Variants in CTDP1 observed in about 807,000 individuals in gnomAD.
CTDP1 encodes CTD phosphatase 1, also known as RNA polymerase II subunit A C-terminal domain phosphatase.
Under a neutral mutation model 91.8 loss-of-function variants are expected in CTDP1, and 47 were observed. The observed-to-expected ratio is 0.51, with a 90% CI of 0.41 to 0.65. CTDP1 has a LOEUF of 0.65. Ranked by LOEUF, CTDP1 falls within the 30% of genes least tolerant of loss-of-function variation. CTDP1 has a pLI of 0.00. For synonymous variants in CTDP1, 656 were observed against 598.5 expected (o/e 1.10, Z -1.40); for missense variants, 1,272 against 1,373.7 (o/e 0.93, Z 1.17).
Position 79,753,545 on chromosome 18 carries a change from C to T in CTDP1, c.2748-107C>T, listed in dbSNP as rs750701314. The T allele has an allele frequency of 9.4e-5, 145 of 1,548,002 alleles. No homozygotes were observed. The African/African-American group carries it at 1.7e-3, about 18-fold the overall frequency. ...TGTGTCCTTGACCAGAGAATTGTGCCGTCTTGTGTTAAAACCACGGAAGCC... is the reference window on the plus strand; with the variant it reads ...TGTGTCCTTGACCAGAGAATTGTGCTGTCTTGTGTTAAAACCACGGAAGCC... On this transcript the variant is annotated intron_variant, in intron 12 of 12. Coordinates refer to ENST00000613122, the MANE Select transcript of CTDP1 (RefSeq NM_004715.5).
chr18:79,694,305 C>T (rs1259559617), intron 1 of CTDP1, among the ~76,000 whole-genome samples: 162 of 106,214 alleles, frequency 1.5e-3, no homozygotes, highest in South Asian at 3.1e-3. Context: ...GGTCTCATGT[C>T]CACGGGGTGG....
chr18:79,709,402 C>T (rs911962856), intron 5 of CTDP1, among the ~76,000 whole-genome samples: 12 of 152,184 alleles, frequency 7.9e-5, no homozygotes, highest in Non-Finnish European at 1.5e-4. Flanking sequence ...AAACCCAGAG[C>T]AGAGGTGATC....
chr18:79,700,183 C>G (rs923410637), intron 4 of CTDP1, among the ~76,000 whole-genome samples: 5 of 152,162 alleles, frequency 3.3e-5, no homozygotes, highest in Non-Finnish European at 7.3e-5. Context: ...AGTAACCCTA[C>G]AGTGACCTCT....
chr18:79,691,323 A>C (rs2085616392), intron 1 of CTDP1, among the ~76,000 whole-genome samples: 1 of 151,992 alleles, frequency 6.6e-6, no homozygotes, highest in African/African-American at 2.4e-5. Flanking sequence ...GCCAGCTTAC[A>C]CTCGCTCTTA....
intron 12 of CTDP1, among the ~76,000 whole-genome samples, chr18:79,745,117 C>T (rs928723991): frequency 3.9e-5 from 6 of 152,242 alleles, no homozygotes; most frequent in Non-Finnish European, 5.9e-5. Flanking sequence ...GGTGTCCCCA[C>T]GACATGTAAG....
chr18:79,702,499 G>C (rs376250655), intron 4 of CTDP1, among the ~76,000 whole-genome samples: 1 of 151,902 alleles, frequency 6.6e-6, no homozygotes, highest in African/African-American at 2.4e-5. Context: ...TCAGCCTCCC[G>C]AGTAGCTGGG....
rs938156186 is a variant in CTDP1, at chr18:79,753,649, C to T, written c.2748-3C>T. The T allele has an allele frequency of 6.2e-7, 1 of 1,614,156 alleles. No homozygotes were observed. The highest frequency in any genetic ancestry group is 8.5e-7 in the Non-Finnish European group (1 of 1,179,992). ...ATCTCACACCATGTTTGCTTCTCTG[C>T]AGAGGCCACAAGAGGAAGCTGAATG... is the stretch of plus-strand genomic sequence containing the variant. On this transcript the variant is annotated splice_region_variant and splice_polypyrimidine_tract_variant and intron_variant, in intron 12 of 12. Transcript: ENST00000613122.
intron 2 of CTDP1, among the ~76,000 whole-genome samples, chr18:79,695,601 A>G (rs1455283286): frequency 6.6e-6 from 1 of 152,208 alleles, no homozygotes; most frequent in African/African-American, 2.4e-5. Context: ...TGCCTGGAGC[A>G]GCCCCTCCCT....
At chr18:79,724,526 T>A (rs1218023672) in intron 10 of CTDP1, among the ~76,000 whole-genome samples, 1 of 152,204 alleles carries the variant, frequency 6.6e-6, no homozygotes, top group African/African-American at 2.4e-5. Context: ...GGCTGTAACC[T>A]GCATTTCCGT....
At chr18:79,681,582 A>G in intron 1 of CTDP1, 1 of 746,654 alleles carries the variant, frequency 1.3e-6, no homozygotes, top group Non-Finnish European at 1.6e-6. Context: ...CTAGTGAATA[A>G]AACCAACCCA....
At chr18:79,694,632 G>C (rs560346902) in intron 1 of CTDP1, among the ~76,000 whole-genome samples, 4 of 151,756 alleles carry the variant, frequency 2.6e-5, no homozygotes, top group Admixed American at 2.6e-4. Flanking sequence ...GGGTGGGAGT[G>C]TGGGGGCTGA....
chr18:79,680,475 C>G (rs539111199), intron 1 of CTDP1, among the ~76,000 whole-genome samples: 1 of 152,234 alleles, frequency 6.6e-6, no homozygotes, highest in Admixed American at 6.5e-5. Flanking sequence ...GGAAAGGGTC[C>G]TGCGTAGCGA....
In CTDP1 at chr18:79,679,812, C is replaced by G. The variant is rs922196200; in HGVS notation, c.-136C>G. On this transcript the variant is annotated 5_prime_UTR_variant, in exon 1 of 13. Coordinates refer to ENST00000613122, the MANE Select transcript of CTDP1 (RefSeq NM_004715.5). The stretch of plus-strand genomic sequence containing the variant: ...TCACGCGCCCTCCAGGAAGTCGGCG[C>G]GGGCTAGGCGACGGGTGGAAGCCGG... The G allele has an allele frequency of 7.1e-6, 6 of 845,378 alleles. No individual in the cohort carries two copies. Among genetic ancestry groups the G allele is most frequent in the Non-Finnish European group, 1.0e-5 (6 of 585,302 alleles). The allele number at this position is 845,378 out of a possible 1,614,324, so 52.4% of individuals were successfully genotyped here.
intron 1 of CTDP1, among the ~76,000 whole-genome samples, chr18:79,683,857 G>A (rs918183879): frequency 6.6e-6 from 1 of 152,224 alleles, no homozygotes; most frequent in Admixed American, 6.5e-5. Flanking sequence ...TTGAGGCTTG[G>A]TCGCTGTGTT....
chr18:79,730,390 C>T (rs1330740730), intron 11 of CTDP1, among the ~76,000 whole-genome samples: 1 of 152,184 alleles, frequency 6.6e-6, no homozygotes. Flanking sequence ...TCCTGGTTTC[C>T]TGGTCGGGCG....
intron 12 of CTDP1, among the ~76,000 whole-genome samples, chr18:79,749,412 G>A (rs967893469): frequency 2.0e-5 from 3 of 151,674 alleles, no homozygotes; most frequent in Admixed American, 6.6e-5. Flanking sequence ...CAGCACCCCC[G>A]AGTCTGGCCC....
intron 11 of CTDP1, among the ~76,000 whole-genome samples, chr18:79,729,585 T>TTA (rs1198928712): frequency 2.0e-5 from 3 of 152,224 alleles, no homozygotes; most frequent in Non-Finnish European, 2.9e-5. Flanking sequence ...GCGAAACAAC[T>TTA]TTAGGCAGCA....
chr18:79,743,279 A>G (rs2086815431), intron 12 of CTDP1, among the ~76,000 whole-genome samples: 1 of 151,660 alleles, frequency 6.6e-6, no homozygotes, highest in Non-Finnish European at 1.5e-5. Context: ...TAATCCCAGC[A>G]CTCTAGGAAG....
At chr18:79,693,209 C>T (rs1479649508) in intron 1 of CTDP1, among the ~76,000 whole-genome samples, 3 of 151,750 alleles carry the variant, frequency 2.0e-5, no homozygotes, top group Non-Finnish European at 4.4e-5. Context: ...GGTGTGGTGA[C>T]CGGGAGGGAG....
Sources: gnomAD v4.1 joint callset for allele counts (sites outside exome capture counted in the v4.1 genomes callset) on GRCh38, gnomAD v4.1.1 for gene constraint, MANE v1.5 for transcripts, NCBI Gene and HGNC (gene_info 2026-07-23, HGNC 2026-07-21) for gene names.